Variants in CTDP1 observed in about 807,000 individuals in gnomAD.
The protein encoded by CTDP1 is RNA polymerase II subunit A C-terminal domain phosphatase.
A neutral mutation model predicts 91.8 loss-of-function variants in CTDP1; 47 were observed. The ratio of observed to expected loss-of-function variants is 0.51; its 90% CI spans 0.41 to 0.65. CTDP1 has a LOEUF of 0.65. Among genes scored for constraint, CTDP1 ranks in the 30% least tolerant of loss-of-function variants. CTDP1 has a pLI of 0.00. For synonymous variants in CTDP1, 656 were observed against 598.5 expected, an observed-to-expected ratio of 1.10 and a Z score of -1.40; for missense variants, 1,272 against 1,373.7, an observed-to-expected ratio of 0.93 and a Z score of 1.17.
At chr18:79,724,949 G>T (rs947528919) in intron 10 of CTDP1, among the ~76,000 whole-genome samples, 8 of 152,166 alleles carry the variant, frequency 5.3e-5, no homozygotes, top group African/African-American at 1.9e-4. Context: ...TCTGTTTCTG[G>T]GTTTTCTGCC....
At chr18:79,753,470 G>A (rs890355338) in intron 12 of CTDP1, among the ~76,000 whole-genome samples, 182 bp from the exon 13 acceptor site, 1 of 152,238 alleles carries the variant, frequency 6.6e-6, no homozygotes, top group African/African-American at 2.4e-5. Context: ...CCTGCGCTGG[G>A]GCTCTGCTGT....
At chr18:79,684,371 G>A (rs945733196) in intron 1 of CTDP1, among the ~76,000 whole-genome samples, 1 of 152,220 alleles carries the variant, frequency 6.6e-6, no homozygotes, top group Non-Finnish European at 1.5e-5. Context: ...GCCTTGTGTA[G>A]CTTAGTGTCG....
chr18:79,742,526 A>C (rs2086801491), intron 12 of CTDP1, among the ~76,000 whole-genome samples: 1 of 152,276 alleles, frequency 6.6e-6, no homozygotes, highest in African/African-American at 2.4e-5. Flanking sequence ...GGCTGAAAGC[A>C]GGTGACTTAG....
At chr18:79,756,071 C>A (rs57931637), downstream of CTDP1, 16,488 of 152,462 alleles carry the variant, frequency 0.11, 1,612 homozygotes, top group African/African-American at 0.26. Flanking sequence ...GCTCTGGGAT[C>A]GCCCACGGGG....
intron 11 of CTDP1, among the ~76,000 whole-genome samples, chr18:79,730,687 C>T (rs1440015083): frequency 3.1e-4 from 47 of 152,236 alleles, no homozygotes; most frequent in Non-Finnish European, 1.0e-4. Context: ...TTTAAAGCCT[C>T]CTTGATTCTC....
chr18:79,693,315 A>G lies in CTDP1; in HGVS notation c.315-1910A>G, dbSNP rs138559881. ...AGGTTAAGTCTCTGCTCATTGGGGC[A>G]TTTTAGGGCAGAACTCTAATCATTC... On this transcript the variant is annotated intron_variant, in intron 1 of 12. Coordinates refer to ENST00000613122, the MANE Select transcript of CTDP1 (RefSeq NM_004715.5). 1.8e-4 allele frequency among the ~76,000 whole-genome samples: 28 copies of G among 152,016 alleles called. No individual in the cohort carries two copies. The East Asian group carries it at 5.4e-3, about 29-fold the overall frequency.
upstream of CTDP1, among the ~76,000 whole-genome samples, chr18:79,676,860 A>G (rs923986772): frequency 6.6e-6 from 1 of 152,230 alleles, no homozygotes; most frequent in African/African-American, 2.4e-5. Context: ...TACTTGTAAG[A>G]TAACTGATTT....
chr18:79,728,771 A>C (rs1175382012), intron 10 of CTDP1, 136 bp from the exon 11 acceptor site: 1 of 633,704 alleles, frequency 1.6e-6, no homozygotes, highest in East Asian at 5.2e-5. Context: ...TTGGCGAAAC[A>C]TCACGTTTTT....
chr18:79,742,212 T>TGAG (rs1182538918), intron 12 of CTDP1, among the ~76,000 whole-genome samples: 6 of 130,410 alleles, frequency 4.6e-5, no homozygotes, highest in African/African-American at 1.8e-4. Flanking sequence ...GAGAGAGGCC[T>TGAG]GGCACCAGAG....
chr18:79,734,087 C>T (rs964822296), intron 11 of CTDP1, among the ~76,000 whole-genome samples: 3 of 152,160 alleles, frequency 2.0e-5, no homozygotes, highest in African/African-American at 7.2e-5. Context: ...TGGTAGAAAC[C>T]ACACTTTGAA....
In CTDP1 at chr18:79,679,833, G is replaced by C. The variant is rs1051941929; in HGVS notation, c.-115G>C. On this transcript the variant is annotated 5_prime_UTR_variant, in exon 1 of 13. Coordinates refer to ENST00000613122, the MANE Select transcript of CTDP1 (RefSeq NM_004715.5). The stretch of plus-strand genomic sequence containing the variant: ...GGCGCGGGCTAGGCGACGGGTGGAA[G>C]CCGGTACCGAGAGGAACTACAGCGT... The C allele has an allele frequency of 9.6e-7, 1 of 1,046,102 alleles. No individual in the cohort carries two copies. Among genetic ancestry groups the C allele is most frequent in the African/African-American group, 1.7e-5 (1 of 59,778 alleles). The allele number at this position is 1,046,102 out of a possible 1,614,324, so 64.8% of individuals were successfully genotyped here. A position where few individuals can be genotyped will look rare whatever the true frequency, so the allele number is the denominator to read the frequency against.
In CTDP1 at chr18:79,697,857, T is replaced by TAA. The variant is rs2085779324; in HGVS notation, c.493-2_493-1insAA. On this transcript the variant is annotated splice_polypyrimidine_tract_variant and splice_region_variant and intron_variant, in intron 3 of 12. Coordinates refer to ENST00000613122, the MANE Select transcript of CTDP1 (RefSeq NM_004715.5). Reference sequence around the variant, plus strand: ...GTCATTTCTTGTTTCTTTTTAATTGTAGCAAGCTGAACAGCTGGGAAGAGA... The same window carrying TAA: ...GTCATTTCTTGTTTCTTTTTAATTGTAAAGCAAGCTGAACAGCTGGGAAGAGA... 6.2e-7 allele frequency: 1 copy of TAA among 1,614,056 alleles called. No individual in the cohort carries two copies. Among genetic ancestry groups the TAA allele is most frequent in the Non-Finnish European group, 8.5e-7 (1 of 1,180,034 alleles).
intron 4 of CTDP1, among the ~76,000 whole-genome samples, chr18:79,701,538 TAAATAA>T (rs2085858636): frequency 2.7e-5 from 1 of 37,376 alleles, no homozygotes; most frequent in Non-Finnish European, 8.0e-5. Context: ...ATTAAATAAA[TAAATAA>T]ATAAATAAAT....
chr18:79,680,069 C>G lies in CTDP1; in HGVS notation c.122C>G (p.Ala41Gly). 8.0e-7 allele frequency: 1 copy of G among 1,257,762 alleles called. No homozygotes were observed. The highest frequency in any genetic ancestry group is 9.9e-7 in the Non-Finnish European group (1 of 1,005,450). The allele number at this position is 1,257,762 out of a possible 1,614,324, so 77.9% of individuals were successfully genotyped here. ...CTGGAGTGGAGGGTGGCGGCGGGCG[C>G]GGCCGTGCGCATCGGCTCGGTGCTG... ...RLLEWRVAAGAAVRIGSVLAV... is the reference protein window; with the variant it reads ...RLLEWRVAAGGAVRIGSVLAV... Residue 41 changes from alanine (A) to glycine (G), a missense_variant, in exon 1 of 13, where the codon GCG becomes GGG. By Grantham distance (60) the Ala-to-Gly change is moderately conservative. Around this residue, in one of 3 missense-constraint regions of CTDP1, gnomAD observed 214 missense variants for 179.1 expected, o/e 1.19. Coordinates refer to ENST00000613122, the MANE Select transcript of CTDP1 (RefSeq NM_004715.5).
chr18:79,745,342 TG>T lies in CTDP1; in HGVS notation c.2748-8309del, dbSNP rs1568219338. 1.5e-4 allele frequency among the ~76,000 whole-genome samples: 14 copies of T among 90,850 alleles called. 2 individuals are homozygous for T. The highest frequency in any genetic ancestry group is 4.7e-4 in the South Asian group (1 of 2,150). 59.6% of individuals were successfully genotyped at this position (90,850 alleles called of 152,430 possible). A position where few individuals can be genotyped will look rare whatever the true frequency, so the allele number is the denominator to read the frequency against. On this transcript the variant is annotated intron_variant, in intron 12 of 12. Coordinates refer to ENST00000613122, the MANE Select transcript of CTDP1 (RefSeq NM_004715.5). ...CTGCGTCCCTCCCGTGCGCGTTCTG[TG>T]CCCGCGTCCCTCCCGTGCGCGTTCT...
Position 79,679,856 on chromosome 18 carries a change from CGTCGCCGCCTGGGTTGT to C in CTDP1, c.-83_-67del. The stretch of plus-strand genomic sequence containing the variant: ...AAGCCGGTACCGAGAGGAACTACAG[CGTCGCCGCCTGGGTTGT>C]GTCGCCGCGGTAGGCGCTGCGCTCT... On this transcript the variant is annotated 5_prime_UTR_variant, in exon 1 of 13. Coordinates refer to ENST00000613122, the MANE Select transcript of CTDP1 (RefSeq NM_004715.5). 8.4e-7 allele frequency: 1 copy of C among 1,189,098 alleles called. No homozygotes were observed. Among genetic ancestry groups the C allele is most frequent in the East Asian group, 3.4e-5 (1 of 29,040 alleles). The allele number at this position is 1,189,098 out of a possible 1,614,324, so 73.7% of individuals were successfully genotyped here. A position where few individuals can be genotyped will look rare whatever the true frequency, so the allele number is the denominator to read the frequency against.
chr18:79,692,538 C>T (rs906887519), intron 1 of CTDP1, among the ~76,000 whole-genome samples: 1 of 152,260 alleles, frequency 6.6e-6, no homozygotes. Flanking sequence ...CCAGATCCTT[C>T]TTCATGTTAA....
rs1158832150 is a variant in CTDP1, at chr18:79,751,231, G to A, written c.2748-2421G>A. Reference sequence around the variant, plus strand: ...CAGGCTAGGGAGGGAGGGGCTGGGCGCAGAGGACAGGCCGGGGAGGGAGGG... The same window carrying A: ...CAGGCTAGGGAGGGAGGGGCTGGGCACAGAGGACAGGCCGGGGAGGGAGGG... On this transcript the variant is annotated intron_variant, in intron 12 of 12. Coordinates refer to ENST00000613122, the MANE Select transcript of CTDP1 (RefSeq NM_004715.5). Among the ~76,000 whole-genome samples the A allele has an allele frequency of 2.5e-3, 293 of 118,354 alleles. 4 individuals are homozygous for A. Among genetic ancestry groups the A allele is most frequent in the African/African-American group, 8.4e-3 (264 of 31,492 alleles). The allele number at this position is 118,354 out of a possible 152,430, so 77.6% of individuals were successfully genotyped here. A position where few individuals can be genotyped will look rare whatever the true frequency, so the allele number is the denominator to read the frequency against.
intron 11 of CTDP1, among the ~76,000 whole-genome samples, chr18:79,729,367 G>T (rs956195464): frequency 1.3e-5 from 2 of 152,212 alleles, no homozygotes; most frequent in African/African-American, 4.8e-5. Context: ...AGCCCCTCCG[G>T]CTCTCCCGGC....
Sources: gnomAD v4.1 joint callset for allele counts (sites outside exome capture counted in the v4.1 genomes callset) on GRCh38, gnomAD v4.1.1 for gene constraint, gnomAD v4.1.1 regional missense constraint, MANE v1.5 for transcripts, NCBI Gene and HGNC (gene_info 2026-07-23, HGNC 2026-07-21) for gene names.